Variants in PLXND1 observed in about 807,000 individuals in gnomAD.
PLXND1 encodes the protein plexin D1.
In PLXND1, 54 loss-of-function variants were observed where a neutral mutation model predicts 197.7. That is an observed-to-expected ratio of 0.27 (90% CI 0.22 to 0.34). The LOEUF is 0.34. PLXND1 is among the 10% of genes least tolerant of loss of function. The pLI, the probability that PLXND1 is intolerant of heterozygous loss-of-function variation, is 1.00. For synonymous variants in PLXND1, 1,180 were observed against 1,161.2 expected, an observed-to-expected ratio of 1.02 and a Z score of -0.33; for missense variants, 2,127 against 2,699.2, an observed-to-expected ratio of 0.79 and a Z score of 4.70.
intron 7 of PLXND1, 115 bp downstream of exon 7, chr3:129,584,010 G>C (rs562453365): frequency 1.4e-6 from 1 of 693,262 alleles, no homozygotes; most frequent in African/African-American, 1.8e-5. Context: ...TGAAGGGCCT[G>C]TCTACCTCTA....
At chr3:129,595,168 G>A (rs1057118431) in intron 1 of PLXND1, among the ~76,000 whole-genome samples, 13 of 152,208 alleles carry the variant, frequency 8.5e-5, no homozygotes, top group Non-Finnish European at 1.5e-5. Context: ...CAGCCCAGCC[G>A]CACACAGCCA....
At chr3:129,605,261 T>TGCCC in intron 1 of PLXND1, 68 bp downstream of exon 1, 2 of 493,830 alleles carry the variant, frequency 4.0e-6, no homozygotes, top group Non-Finnish European at 3.1e-6. Context: ...CCCGCTCGGT[T>TGCCC]CCCGCCCGCC....
At chr3:129,594,957 A>G (rs1238082678) in intron 1 of PLXND1, among the ~76,000 whole-genome samples, 2 of 151,490 alleles carry the variant, frequency 1.3e-5, no homozygotes, top group Non-Finnish European at 2.9e-5. Context: ...ACACAAACCC[A>G]AACTTTGCTC....
intron 13 of PLXND1, among the ~76,000 whole-genome samples, chr3:129,573,246 C>G (rs890694421): frequency 2.0e-5 from 3 of 152,026 alleles, no homozygotes; most frequent in African/African-American, 7.2e-5. Flanking sequence ...CCCCTCTGGG[C>G]CAGTCACAGA....
Position 129,555,325 on chromosome 3 carries a change from G to A in PLXND1, c.*987C>T. On this transcript the variant is annotated 3_prime_UTR_variant, in exon 36 of 36. Transcript: ENST00000324093. ...CCAACACTGGCTGAGTTGGCTGCGA[G>A]GGGCCCGCATGGCCCATCGGCCACA... is the stretch of plus-strand genomic sequence containing the variant. The A allele has an allele frequency of 1.8e-6, 1 of 565,002 alleles. No individual in the cohort carries two copies. The highest frequency in any genetic ancestry group is 3.1e-6 in the Non-Finnish European group (1 of 324,032). The allele number at this position is 565,002 out of a possible 1,614,324, so 35.0% of individuals were successfully genotyped here.
chr3:129,594,981 G>GC (rs1219784104), intron 1 of PLXND1, among the ~76,000 whole-genome samples: 1 of 152,012 alleles, frequency 6.6e-6, no homozygotes, highest in Non-Finnish European at 1.5e-5. Context: ...GGCCCTTGAA[G>GC]CCCCACTCAA....
intron 1 of PLXND1, 89 bp downstream of exon 1, chr3:129,605,240 T>A: frequency 1.8e-6 from 1 of 554,476 alleles, no homozygotes; most frequent in South Asian, 6.9e-5. Context: ...TGTGACCCAC[T>A]CAGCTCACGA....
At chr3:129,561,763 G>A in intron 28 of PLXND1, 37 bp downstream of exon 28, 1 of 1,516,428 alleles carries the variant, frequency 6.6e-7, no homozygotes, top group Non-Finnish European at 9.1e-7. Context: ...GTGGGGGCAT[G>A]AGGGTGGGGA....
chr3:129,558,813 C>G lies in PLXND1; in HGVS notation c.5298-238G>C. 1 of 470,160 alleles carries G rather than the reference C, an allele frequency of 2.1e-6. No individual in the cohort carries two copies. The allele number at this position is 470,160 out of a possible 1,614,324, so 29.1% of individuals were successfully genotyped here. A position where few individuals can be genotyped will look rare whatever the true frequency, so the allele number is the denominator to read the frequency against. On this transcript the variant is annotated intron_variant, in intron 32 of 35. Coordinates refer to ENST00000324093, the MANE Select transcript of PLXND1 (RefSeq NM_015103.3). The surrounding 1 kb of genome is among the most constrained non-coding windows in gnomAD (Gnocchi z 4.1). ...GAGCTACAGGGCTTAGCTGTACCCC[C>G]CAACCCCCTCCTGAGCCTCCAGTCA...
In PLXND1 at chr3:129,571,332, C is replaced by G. The variant is rs552673642; in HGVS notation, c.3337-29G>C. On this transcript the variant is annotated intron_variant, in intron 17 of 35. Transcript: ENST00000324093. ...GTGCAGGAGAGCCAGGGGCCCAGGC[C>G]GGGATGCAGGATGGACAGATGGGCA... 12 of 1,601,254 alleles carry G rather than the reference C, an allele frequency of 7.5e-6. No homozygotes were observed. The East Asian group carries it at 2.5e-4, about 33-fold the overall frequency.
In PLXND1 at chr3:129,555,780, T is replaced by C; in HGVS notation, c.*532A>G. ...CGCCCAAGCAACAAAAATCTGACAC[T>C]ACTTGAAACTGTCTGTGGCCAGGAT... On this transcript the variant is annotated 3_prime_UTR_variant, in exon 36 of 36. Coordinates refer to ENST00000324093, the MANE Select transcript of PLXND1 (RefSeq NM_015103.3). 1 of 456,042 alleles carries C rather than the reference T, an allele frequency of 2.2e-6. No homozygotes were observed. The highest frequency in any genetic ancestry group is 4.0e-5 in the East Asian group (1 of 24,966). The allele number at this position is 456,042 out of a possible 1,614,324, so 28.2% of individuals were successfully genotyped here.
At position 129,575,792 on chromosome 3, in the gene PLXND1, A is replaced by C. The variant is rs1172228312; in HGVS notation, c.2410T>G (p.Ser804Ala). The change falls in exon 10 of 36, where the codon TCT becomes GCT. Residue 804 changes from serine (S) to alanine (A), a missense_variant. This residue lies in a region of PLXND1 where 1,095 missense variants were observed against 1,259.8 expected (regional missense o/e 0.87). Coordinates refer to ENST00000324093, the MANE Select transcript of PLXND1 (RefSeq NM_015103.3). ...EIFEAVWVNE[S>A]VVRCDQVVLH... ...ACCACCTGGTCACAGCGTACAACAG[A>C]CTCATTCACCCACACAGCCTCGAAG... The C allele has an allele frequency of 3.1e-6, 5 of 1,613,154 alleles. No homozygotes were observed. The African/African-American group carries it at 6.7e-5, about 22-fold the overall frequency.
chr3:129,597,698 G>C (rs536968456), intron 1 of PLXND1, among the ~76,000 whole-genome samples: 1 of 152,372 alleles, frequency 6.6e-6, no homozygotes, highest in Non-Finnish European at 1.5e-5. Flanking sequence ...AGCCGAGCAG[G>C]GTGGAGCAGG....
intron 31 of PLXND1, 80 bp downstream of exon 31, chr3:129,560,250 G>A (rs768081792): frequency 9.2e-5 from 82 of 888,466 alleles, no homozygotes; most frequent in Non-Finnish European, 1.5e-4. Flanking sequence ...GTGCACAGCT[G>A]GCCCTGAGCA....
At chr3:129,565,736 C>T in intron 24 of PLXND1, 151 bp downstream of exon 24, 1 of 927,384 alleles carries the variant, frequency 1.1e-6, no homozygotes, top group Non-Finnish European at 1.6e-6. Flanking sequence ...CCATCGTGCC[C>T]CGTGAGCCAA....
chr3:129,602,033 C>T (rs1473687297), intron 1 of PLXND1, among the ~76,000 whole-genome samples: 1 of 152,236 alleles, frequency 6.6e-6, no homozygotes, highest in Non-Finnish European at 1.5e-5. Flanking sequence ...TGCTCCTTCT[C>T]ACCAGCTACC....
intron 2 of PLXND1, among the ~76,000 whole-genome samples, chr3:129,588,873 C>T (rs1352939997): frequency 6.6e-6 from 1 of 152,208 alleles, no homozygotes; most frequent in Non-Finnish European, 1.5e-5. Flanking sequence ...ACACCAGTCA[C>T]CCTGGGACGG....
chr3:129,600,587 C>G (rs1057163400), intron 1 of PLXND1, among the ~76,000 whole-genome samples: 1 of 151,794 alleles, frequency 6.6e-6, no homozygotes, highest in Non-Finnish European at 1.5e-5. Flanking sequence ...ACCTGGGGGT[C>G]GAGACATTCT....
intron 23 of PLXND1, among the ~76,000 whole-genome samples, 197 bp downstream of exon 23, chr3:129,566,330 G>T (rs1322958857): frequency 6.6e-6 from 1 of 151,530 alleles, no homozygotes; most frequent in African/African-American, 2.4e-5. Flanking sequence ...TACCTGGCCT[G>T]CGGGGGCAGC....
Sources: gnomAD v4.1 joint callset for allele counts (sites outside exome capture counted in the v4.1 genomes callset) on GRCh38, gnomAD v4.1.1 for gene constraint, gnomAD v4.1.1 regional missense constraint, Gnocchi (gnomAD v3.1) non-coding constraint, MANE v1.5 for transcripts, NCBI Gene and HGNC (gene_info 2026-07-23, HGNC 2026-07-21) for gene names.